Variants in PLEKHA8 observed in about 807,000 individuals in gnomAD.
The protein encoded by PLEKHA8 is pleckstrin homology domain containing A8.
Under a neutral mutation model 68.2 loss-of-function variants are expected in PLEKHA8, and 36 were observed. The ratio of observed to expected loss-of-function variants is 0.53; its 90% CI spans 0.40 to 0.70. The LOEUF is 0.70. Among genes scored for constraint, PLEKHA8 ranks in the 30% least tolerant of loss-of-function variants. PLEKHA8 has a pLI of 0.00. For synonymous variants in PLEKHA8, 211 were observed against 216.1 expected (o/e 0.98, Z 0.20); for missense variants, 505 against 615.4 (o/e 0.82, Z 1.90).
downstream of PLEKHA8, among the ~76,000 whole-genome samples, chr7:30,088,065 T>C (rs1795250622): frequency 6.6e-6 from 1 of 152,246 alleles, no homozygotes; most frequent in Admixed American, 6.5e-5. Context: ...ACCACCAATG[T>C]GCTTTGTGAT....
intron 13 of PLEKHA8, among the ~76,000 whole-genome samples, chr7:30,106,135 T>C (rs1796047307): frequency 6.6e-6 from 1 of 152,048 alleles, no homozygotes; most frequent in South Asian, 2.1e-4. Flanking sequence ...CTTGGTTCAC[T>C]GCAACCACTG....
At position 30,061,962 on chromosome 7, in the gene PLEKHA8, C is replaced by G; in HGVS notation, c.1164C>G (p.His388Gln). The change falls in exon 11 of 14, where the codon CAC becomes CAG. Residue 388 changes from histidine to glutamine, a missense_variant. His to Gln is a conservative substitution (Grantham distance 24). Transcript: ENST00000449726. Reference protein sequence around the residue: ...EFTTLQKIVLHEVEADVAQVR... With the variant: ...EFTTLQKIVLQEVEADVAQVR... The stretch of plus-strand genomic sequence containing the variant: ...CCACTCTCCAGAAGATAGTGCTGCA[C>G]GAAGTGGAGGCGGATGTAGCCCAGG... The G allele has an allele frequency of 1.9e-6, 3 of 1,614,046 alleles. No individual in the cohort carries two copies. The highest frequency in any genetic ancestry group is 2.5e-6 in the Non-Finnish European group (3 of 1,179,974).
At chr7:30,095,974 G>A (rs958153390) in intron 13 of PLEKHA8, among the ~76,000 whole-genome samples, 2 of 152,098 alleles carry the variant, frequency 1.3e-5, no homozygotes, top group African/African-American at 4.8e-5. Flanking sequence ...CTCCAGCTTT[G>A]TTTTTTTGGC....
chr7:30,036,263 C>G (rs1246252088), intron 1 of PLEKHA8, among the ~76,000 whole-genome samples: 1 of 151,820 alleles, frequency 6.6e-6, no homozygotes, highest in Non-Finnish European at 1.5e-5. Flanking sequence ...CAGAACGAGA[C>G]TCTGTTGCAA....
chr7:30,124,678 T>C (rs1796744365), intron 13 of PLEKHA8, among the ~76,000 whole-genome samples: 1 of 152,224 alleles, frequency 6.6e-6, no homozygotes, highest in Non-Finnish European at 1.5e-5. Context: ...TTTCCTGTGC[T>C]TTCTGTTGAC....
Position 30,082,340 on chromosome 7 carries a change from TC to T in PLEKHA8, c.*3554del, listed in dbSNP as rs1413616571. On this transcript the variant is annotated 3_prime_UTR_variant, in exon 14 of 14. Coordinates refer to ENST00000449726, the MANE Select transcript of PLEKHA8 (RefSeq NM_001197026.2). ...CAAATCTACCCCCACTTATGTTTGTTCTGCCCCATTTCCCAGGAGCAGCTTC... is the reference window on the plus strand; with the variant it reads ...CAAATCTACCCCCACTTATGTTTGTTTGCCCCATTTCCCAGGAGCAGCTTC... The T allele has an allele frequency of 2.0e-6, 2 of 985,378 alleles. No homozygotes were observed. The highest frequency in any genetic ancestry group is 3.5e-5 in the African/African-American group (2 of 57,236). 61.0% of individuals were successfully genotyped at this position (985,378 alleles called of 1,614,324 possible). A position where few individuals can be genotyped will look rare whatever the true frequency, so the allele number is the denominator to read the frequency against.
chr7:30,086,624 C>T (rs1198456779), downstream of PLEKHA8, among the ~76,000 whole-genome samples: 1 of 152,150 alleles, frequency 6.6e-6, no homozygotes, highest in African/African-American at 2.4e-5. Context: ...GCTATTACTC[C>T]AGAATCTGCA....
chr7:30,128,593 T>C (rs550512861), intron 13 of PLEKHA8, among the ~76,000 whole-genome samples: 2 of 152,354 alleles, frequency 1.3e-5, no homozygotes, highest in African/African-American at 4.8e-5. Flanking sequence ...TTTTTCTTTC[T>C]ACTCATTTGG....
At chr7:30,088,101 G>T (rs913893003), downstream of PLEKHA8, among the ~76,000 whole-genome samples, 1 of 152,240 alleles carries the variant, frequency 6.6e-6, no homozygotes, top group Non-Finnish European at 1.5e-5. Context: ...AGTTCTGTTA[G>T]CCAGCTAGAT....
chr7:30,030,505 C>T (rs1429363430), intron 1 of PLEKHA8, among the ~76,000 whole-genome samples: 1 of 152,152 alleles, frequency 6.6e-6, no homozygotes, highest in South Asian at 2.1e-4. Context: ...AAAGAGTCTA[C>T]TTTTTTCTTC....
chr7:30,110,291 G>A (rs554572502), intron 13 of PLEKHA8, among the ~76,000 whole-genome samples: 1 of 152,186 alleles, frequency 6.6e-6, no homozygotes, highest in African/African-American at 2.4e-5. Flanking sequence ...TTTTATGTCT[G>A]GCTACTTTCA....
chr7:30,055,284 C>T lies in PLEKHA8; in HGVS notation c.981C>T (p.Asp327=). 1.2e-6 allele frequency: 2 copies of T among 1,614,120 alleles called. No homozygotes were observed. Among genetic ancestry groups the T allele is most frequent in the South Asian group, 1.1e-5 (1 of 91,080 alleles). ...TTAGTGACATTGAACTTCTGGAAGA[C>T]AGTGGCATTCCCACAGAAGCATTCT... is the stretch of plus-strand genomic sequence containing the variant. ...TSFSDIELLE[D]SGIPTEAFLA... The change falls in exon 9 of 14, where the codon GAC becomes GAT. Residue 327 remains aspartate (D), a synonymous_variant. Transcript: ENST00000449726.
exon 13 of PLEKHA8, chr7:30,090,509 A>G (rs189058366): frequency 1.9e-4 from 44 of 230,908 alleles, no homozygotes; most frequent in African/African-American, 9.6e-4. Context: ...GTAGAAAAAA[A>G]GCTGGTGGTG....
chr7:30,111,516 A>G (rs951135312), intron 13 of PLEKHA8, among the ~76,000 whole-genome samples: 10 of 151,584 alleles, frequency 6.6e-5, no homozygotes, highest in Non-Finnish European at 1.3e-4. Flanking sequence ...TTAGTTTTCT[A>G]TATCATTCAT....
intron 12 of PLEKHA8, among the ~76,000 whole-genome samples, chr7:30,063,385 A>G (rs918865955): frequency 6.6e-6 from 1 of 152,190 alleles, no homozygotes; most frequent in Non-Finnish European, 1.5e-5. Flanking sequence ...CAGTTTTGGA[A>G]AATGTTGAGA....
intron 13 of PLEKHA8, chr7:30,075,174 G>C (rs995019): frequency 0.18 from 27,377 of 152,102 alleles, 2,603 homozygotes; most frequent in African/African-American, 0.24. Context: ...ATTAGGGAGG[G>C]CGGTAAAGTG....
chr7:30,045,522 C>CT (rs1297709546), intron 2 of PLEKHA8, among the ~76,000 whole-genome samples: 1 of 152,230 alleles, frequency 6.6e-6, no homozygotes, highest in Non-Finnish European at 1.5e-5. Flanking sequence ...GCATCAAACA[C>CT]TTTTGTGTTT....
At chr7:30,087,806 C>T (rs780250396), downstream of PLEKHA8, among the ~76,000 whole-genome samples, 8 of 152,204 alleles carry the variant, frequency 5.3e-5, no homozygotes, top group Non-Finnish European at 1.2e-4. Context: ...CTCAACACAT[C>T]TCTGCTATGG....
chr7:30,063,263 T>C (rs1793581225), intron 12 of PLEKHA8, among the ~76,000 whole-genome samples: 1 of 152,226 alleles, frequency 6.6e-6, no homozygotes, highest in South Asian at 2.1e-4. Flanking sequence ...TCAGAGGAGA[T>C]CATCTTATAT....
Sources: gnomAD v4.1 joint callset for allele counts (sites outside exome capture counted in the v4.1 genomes callset) on GRCh38, gnomAD v4.1.1 for gene constraint, MANE v1.5 for transcripts, NCBI Gene and HGNC (gene_info 2026-07-23, HGNC 2026-07-21) for gene names.